Variants in SLC5A3 observed in about 807,000 individuals in gnomAD.
The protein encoded by SLC5A3 is sodium/myo-inositol cotransporter.
A neutral mutation model predicts 43.2 loss-of-function variants in SLC5A3; 10 were observed. The observed-to-expected ratio is 0.23, with a 90% CI of 0.14 to 0.39. SLC5A3 has a LOEUF of 0.39. Among genes scored for constraint, SLC5A3 ranks in the 10% least tolerant of loss-of-function variants. SLC5A3 has a pLI of 1.00. For missense variants in SLC5A3, 608 were observed against 893.4 expected (o/e 0.68, Z 4.07); for synonymous variants, 349 against 322.0 (o/e 1.08, Z -0.90).
At position 34,098,667 on chromosome 21, in the gene SLC5A3, G is replaced by A. The variant is rs1979085616; in HGVS notation, c.*1312G>A. ...AGAGGTGCCAAACAAGAACTTTTGG[G>A]GTTAGTAGTGTGTCTTGTGGAGGGT... is the stretch of plus-strand genomic sequence containing the variant. On this transcript the variant is annotated 3_prime_UTR_variant, in exon 2 of 2. Transcript: ENST00000381151. The A allele has an allele frequency of 4.0e-6, 4 of 1,000,216 alleles. No individual in the cohort carries two copies. The South Asian group carries it at 1.9e-4, about 47-fold the overall frequency. The allele number at this position is 1,000,216 out of a possible 1,614,324, so 62.0% of individuals were successfully genotyped here.
chr21:34,091,536 T>C (rs1473606438), intron 1 of SLC5A3, among the ~76,000 whole-genome samples: 6 of 152,200 alleles, frequency 3.9e-5, no homozygotes, highest in Non-Finnish European at 8.8e-5. Context: ...GGAGTGCTTA[T>C]TTAAATTTGG....
At chr21:34,088,411 A>G (rs1978508981) in intron 1 of SLC5A3, among the ~76,000 whole-genome samples, 1 of 152,214 alleles carries the variant, frequency 6.6e-6, no homozygotes, top group African/African-American at 2.4e-5. Flanking sequence ...ACTTCTTTTT[A>G]CTTTTAATCT....
At chr21:34,093,679 G>A (rs1269065570) in intron 1 of SLC5A3, among the ~76,000 whole-genome samples, 1 of 152,204 alleles carries the variant, frequency 6.6e-6, no homozygotes, top group Non-Finnish European at 1.5e-5. Context: ...GCATTAGGTT[G>A]AATAAAATTG....
Position 34,095,505 on chromosome 21 carries a change from C to T in SLC5A3, c.307C>T (p.Arg103Trp), listed in dbSNP as rs199604646. Residue 103 changes from arginine (R) to tryptophan (W), a missense_variant, in exon 2 of 2, where the codon CGG (arginine) becomes TGG (tryptophan). Coordinates refer to ENST00000381151, the MANE Select transcript of SLC5A3 (RefSeq NM_006933.7). Reference sequence around the variant, plus strand: ...ATGGGTTTTCATCCCAATTTACATCCGGTCAGGGGTATATACCATGCCTGA... The same window carrying T: ...ATGGGTTTTCATCCCAATTTACATCTGGTCAGGGGTATATACCATGCCTGA... ...LGWVFIPIYIRSGVYTMPEYL... is the reference protein window; with the variant it reads ...LGWVFIPIYIWSGVYTMPEYL... The T allele has an allele frequency of 3.9e-5, 63 of 1,613,904 alleles. No homozygotes were observed. The highest frequency in any genetic ancestry group is 3.3e-4 in the Middle Eastern group (2 of 6,082).
At position 34,095,860 on chromosome 21, in the gene SLC5A3, C is replaced by T. The variant is rs767330850; in HGVS notation, c.662C>T (p.Ser221Leu). Reference sequence around the variant, plus strand: ...GTTAAGAGAAGGTACATGTTGGCCTCACCCGATGTCACTTCCATCTTATTG... The same window carrying T: ...GTTAAGAGAAGGTACATGTTGGCCTTACCCGATGTCACTTCCATCTTATTG... ...EEVKRRYMLA[S>L]PDVTSILLTY... Residue 221 changes from serine to leucine, a missense_variant, in exon 2 of 2, where the codon TCA becomes TTA. Physicochemically the swap from Ser to Leu is moderately radical, Grantham distance 145 (BLOSUM62 -2). This residue lies in a region of SLC5A3 where 398 missense variants were observed against 668.6 expected (regional missense o/e 0.60). Transcript: ENST00000381151. The T allele has an allele frequency of 1.9e-6, 3 of 1,614,062 alleles. No individual in the cohort carries two copies. Among genetic ancestry groups the T allele is most frequent in the Admixed American group, 3.3e-5 (2 of 60,016 alleles).
Position 34,096,374 on chromosome 21 carries a change from C to A in SLC5A3, c.1176C>A (p.Leu392=). ...ACAGTGCCAGTACCATATTCACCCT[C>A]GATGTGTACAAACTTATCCGCAAGA... ...IFNSASTIFT[L]DVYKLIRKSA... The change falls in exon 2 of 2, where the codon CTC becomes CTA. Residue 392 remains leucine (L), a synonymous_variant. Transcript: ENST00000381151. This position sits in a 1 kb window ranked among gnomAD's most constrained non-coding sequence, Gnocchi z 5.9. The A allele has an allele frequency of 6.2e-7, 1 of 1,614,144 alleles. No homozygotes were observed. The highest frequency in any genetic ancestry group is 8.5e-7 in the Non-Finnish European group (1 of 1,180,016).
At position 34,102,758 on chromosome 21, in the gene SLC5A3, G is replaced by A; in HGVS notation, c.*5403G>A. On this transcript the variant is annotated 3_prime_UTR_variant, in exon 2 of 2. Coordinates refer to ENST00000381151, the MANE Select transcript of SLC5A3 (RefSeq NM_006933.7). ...GATTTTTCGTAGTGTGGGAACAGTGGTTTTGCTCTATACCACTGAAAAGCA... is the reference window on the plus strand; with the variant it reads ...GATTTTTCGTAGTGTGGGAACAGTGATTTTGCTCTATACCACTGAAAAGCA... 1.0e-6 allele frequency: 1 copy of A among 1,000,130 alleles called. No individual in the cohort carries two copies. Among genetic ancestry groups the A allele is most frequent in the Non-Finnish European group, 1.2e-6 (1 of 829,918 alleles). The allele number at this position is 1,000,130 out of a possible 1,614,324, so 62.0% of individuals were successfully genotyped here. A position where few individuals can be genotyped will look rare whatever the true frequency, so the allele number is the denominator to read the frequency against.
chr21:34,095,893 A>G lies in SLC5A3; in HGVS notation c.695A>G (p.Asn232Ser), dbSNP rs1978945046. The G allele has an allele frequency of 3.1e-6, 5 of 1,613,892 alleles. No homozygotes were observed. The highest frequency in any genetic ancestry group is 2.2e-5 in the East Asian group (1 of 44,882). Residue 232 changes from asparagine (N) to serine (S), a missense_variant, in exon 2 of 2, where the codon AAC becomes AGC. By Grantham distance (46) the Asn-to-Ser change is conservative (BLOSUM62 1). Coordinates refer to ENST00000381151, the MANE Select transcript of SLC5A3 (RefSeq NM_006933.7). ...GTCACTTCCATCTTATTGACATACA[A>G]CCTTTCCAACACAAATTCTTGTAAT... ...PDVTSILLTY[N>S]LSNTNSCNVS...
In SLC5A3 at chr21:34,100,324, C is replaced by T. The variant is rs1979176384; in HGVS notation, c.*2969C>T. Reference sequence around the variant, plus strand: ...ATGATTATTGCATATTTTGTGGGACCTCTAATTTCCCTGGTCATCTTTCAG... The same window carrying T: ...ATGATTATTGCATATTTTGTGGGACTTCTAATTTCCCTGGTCATCTTTCAG... On this transcript the variant is annotated 3_prime_UTR_variant, in exon 2 of 2. Transcript: ENST00000381151. 1.0e-6 allele frequency: 1 copy of T among 1,000,054 alleles called. No individual in the cohort carries two copies. Among genetic ancestry groups the T allele is most frequent in the Non-Finnish European group, 1.2e-6 (1 of 829,980 alleles). 61.9% of individuals were successfully genotyped at this position (1,000,054 alleles called of 1,614,324 possible).
chr21:34,099,994 G>A lies in SLC5A3; in HGVS notation c.*2639G>A. 1.6e-6 allele frequency: 1 copy of A among 645,036 alleles called. No individual in the cohort carries two copies. Among genetic ancestry groups the A allele is most frequent in the Non-Finnish European group, 2.0e-6 (1 of 505,814 alleles). The allele number at this position is 645,036 out of a possible 1,614,324, so 40.0% of individuals were successfully genotyped here. On this transcript the variant is annotated 3_prime_UTR_variant, in exon 2 of 2. Transcript: ENST00000381151. ...TTCCTGGAATGATCATACATGGACT[G>A]TCTTAAGCTAGCAAAATGTTCATAC...
At position 34,104,877 on chromosome 21, in the gene SLC5A3, T is replaced by A; in HGVS notation, c.*7522T>A. ...TTGTAAGAACTGTACAAAAAAATGC[T>A]TCTGGAGATTTCTTTGGCAGAAATG... is the stretch of plus-strand genomic sequence containing the variant. On this transcript the variant is annotated 3_prime_UTR_variant, in exon 2 of 2. Transcript: ENST00000381151. The A allele has an allele frequency of 1.0e-6, 1 of 1,000,234 alleles. No homozygotes were observed. The highest frequency in any genetic ancestry group is 1.2e-6 in the Non-Finnish European group (1 of 829,920). The allele number at this position is 1,000,234 out of a possible 1,614,324, so 62.0% of individuals were successfully genotyped here.
In SLC5A3 at chr21:34,095,937, G is replaced by T; in HGVS notation, c.739G>T (p.Ala247Ser). The T allele has an allele frequency of 6.2e-7, 1 of 1,614,104 alleles. No individual in the cohort carries two copies. Among genetic ancestry groups the T allele is most frequent in the Non-Finnish European group, 8.5e-7 (1 of 1,179,980 alleles). The stretch of plus-strand genomic sequence containing the variant: ...TTGTAATGTCTCCCCTAAGAAAGAA[G>T]CCCTGAAAATGCTGCGGAATCCAAC... ...NSCNVSPKKE[A>S]LKMLRNPTDE... The change falls in exon 2 of 2, where the codon GCC becomes TCC. Residue 247 changes from alanine (A) to serine (S), a missense_variant. Coordinates refer to ENST00000381151, the MANE Select transcript of SLC5A3 (RefSeq NM_006933.7).
chr21:34,096,861 A>C lies in SLC5A3; in HGVS notation c.1663A>C (p.Lys555Gln). 6.2e-7 allele frequency: 1 copy of C among 1,614,110 alleles called. No individual in the cohort carries two copies. Among genetic ancestry groups the C allele is most frequent in the Non-Finnish European group, 8.5e-7 (1 of 1,179,980 alleles). ...TTGGTCTAAGAAGAACCTGGTGGTG[A>C]AGGAGAACTGCTCCCCAAAAGAGGA... ...TFWSKKNLVV[K>Q]ENCSPKEEPY... Residue 555 changes from lysine (K) to glutamine (Q), a missense_variant, in exon 2 of 2, where the codon AAG becomes CAG. Physicochemically the swap from Lys to Gln is moderately conservative, Grantham distance 53 (BLOSUM62 1). Coordinates refer to ENST00000381151, the MANE Select transcript of SLC5A3 (RefSeq NM_006933.7). This position sits in a 1 kb window ranked among gnomAD's most constrained non-coding sequence, Gnocchi z 5.9.
chr21:34,088,659 T>C (rs1046224886), intron 1 of SLC5A3, among the ~76,000 whole-genome samples: 1 of 152,242 alleles, frequency 6.6e-6, no homozygotes, highest in African/African-American at 2.4e-5. Flanking sequence ...GGGCAAAAGC[T>C]GTTTAGACAT....
At chr21:34,076,095 T>A (rs1387711690) in intron 1 of SLC5A3, among the ~76,000 whole-genome samples, 1 of 152,210 alleles carries the variant, frequency 6.6e-6, no homozygotes, top group Admixed American at 6.5e-5. Flanking sequence ...AAATCATTTG[T>A]GCATCTTGGA....
At chr21:34,075,634 T>C (rs1156721186) in intron 1 of SLC5A3, among the ~76,000 whole-genome samples, 6 of 152,242 alleles carry the variant, frequency 3.9e-5, no homozygotes, top group Admixed American at 2.6e-4. Flanking sequence ...TAGAAGGTTG[T>C]AACAGTGGTG....
Position 34,103,460 on chromosome 21 carries a change from G to A in SLC5A3, c.*6105G>A. The A allele has an allele frequency of 1.0e-6, 1 of 998,758 alleles. No individual in the cohort carries two copies. The highest frequency in any genetic ancestry group is 1.2e-6 in the Non-Finnish European group (1 of 828,718). 61.9% of individuals were successfully genotyped at this position (998,758 alleles called of 1,614,324 possible). On this transcript the variant is annotated 3_prime_UTR_variant, in exon 2 of 2. Transcript: ENST00000381151. ...CCATTAAAAACTTAAAGTTACTTAT[G>A]TTCTGTGATCTTAATTTTGTTGTGT...
rs747280051 is a variant in SLC5A3 at position 34,095,803 on chromosome 21, T to A, written c.605T>A (p.Ile202Asn). 6 of 1,613,972 alleles carry A rather than the reference T, an allele frequency of 3.7e-6. No homozygotes were observed. Among genetic ancestry groups the A allele is most frequent in the Admixed American group, 3.3e-5 (2 of 59,994 alleles). The change falls in exon 2 of 2, where the codon ATT becomes AAT. Residue 202 changes from isoleucine to asparagine, a missense_variant. By Grantham distance (149) the Ile-to-Asn change is moderately radical. Transcript: ENST00000381151. ...ATTGGGGCACTTACACTTATGATTA[T>A]TAGCATAATGGAGATTGGCGGGTTT... ...MIIGALTLMI[I>N]SIMEIGGFEE...
At position 34,097,277 on chromosome 21, in the gene SLC5A3, A is replaced by G; in HGVS notation, c.2079A>G (p.Gln693=). The G allele has an allele frequency of 6.2e-7, 1 of 1,613,774 alleles. No homozygotes were observed. The highest frequency in any genetic ancestry group is 8.5e-7 in the Non-Finnish European group (1 of 1,179,846). ...VCLQMLEETR[Q]VKVILNIGLF... is the part of the protein sequence containing the mutation. The stretch of plus-strand genomic sequence containing the variant: ...TACAGATGCTAGAAGAGACTCGGCA[A>G]GTTAAAGTAATACTAAATATTGGAC... Residue 693 remains glutamine, a synonymous_variant, in exon 2 of 2, where the codon CAA becomes CAG. Coordinates refer to ENST00000381151, the MANE Select transcript of SLC5A3 (RefSeq NM_006933.7).
Sources: gnomAD v4.1 joint callset for allele counts (sites outside exome capture counted in the v4.1 genomes callset) on GRCh38, gnomAD v4.1.1 for gene constraint, gnomAD v4.1.1 regional missense constraint, Gnocchi (gnomAD v3.1) non-coding constraint, MANE v1.5 for transcripts, NCBI Gene and HGNC (gene_info 2026-07-23, HGNC 2026-07-21) for gene names.